The following TMEM178B variants were observed in gnomAD, a reference collection of about 807,000 sequenced individuals.
TMEM178B encodes the protein transmembrane protein 178B.
TMEM178B carries 5 observed loss-of-function variants against 31.0 expected under a neutral mutation model. That is an observed-to-expected ratio of 0.16 (90% CI 0.08 to 0.34). The LOEUF is 0.34. Among genes scored for constraint, TMEM178B ranks in the 10% least tolerant of loss-of-function variants. The pLI is 1.00. For synonymous variants in TMEM178B, 164 were observed against 164.0 expected (o/e 1.00, Z 0.00); for missense variants, 275 against 400.3 (o/e 0.69, Z 2.67).
At chr7:141,150,209 G>T (rs1381277986) in intron 1 of TMEM178B, among the ~76,000 whole-genome samples, 1 of 152,168 alleles carries the variant, frequency 6.6e-6, no homozygotes, top group Non-Finnish European at 1.5e-5. Flanking sequence ...AATAATGACA[G>T]TAAATGAAGT....
At chr7:141,226,396 T>C (rs1797342369) in intron 2 of TMEM178B, among the ~76,000 whole-genome samples, 1 of 152,118 alleles carries the variant, frequency 6.6e-6, no homozygotes, top group Admixed American at 6.5e-5. Context: ...CACCACCCTC[T>C]CTCATCTCAC....
intron 3 of TMEM178B, among the ~76,000 whole-genome samples, chr7:141,450,583 C>G (rs918027979): frequency 4.6e-5 from 7 of 152,044 alleles, no homozygotes; most frequent in Admixed American, 2.0e-4. Flanking sequence ...TGTGGTCACC[C>G]AAAAAGGGGG....
At chr7:141,320,252 AC>A (rs1415493295) in intron 2 of TMEM178B, among the ~76,000 whole-genome samples, 67 of 152,220 alleles carry the variant, frequency 4.4e-4, no homozygotes, top group African/African-American at 1.5e-3. Context: ...TTTGTAAATT[AC>A]CCAGTTTCAA....
At chr7:141,177,884 C>G (rs1586811270) in intron 1 of TMEM178B, among the ~76,000 whole-genome samples, 1 of 152,112 alleles carries the variant, frequency 6.6e-6, no homozygotes, top group African/African-American at 2.4e-5. Context: ...ATAGGTCTTG[C>G]CTCTTTATCC....
Position 141,437,601 on chromosome 7 carries a change from C to T in TMEM178B, c.497-7C>T. The T allele has an allele frequency of 2.6e-6, 4 of 1,535,978 alleles. No homozygotes were observed. The highest frequency in any genetic ancestry group is 3.5e-6 in the Non-Finnish European group (4 of 1,146,884). On this transcript the variant is annotated splice_region_variant and splice_polypyrimidine_tract_variant and intron_variant, in intron 2 of 3. Transcript: ENST00000565468. ...CTGCTGACTGTTGCTCGCCTGCTTC[C>T]CCACAGACCTGCGCAGAATGACGGC... is the stretch of plus-strand genomic sequence containing the variant.
At chr7:141,324,432 T>TTG (rs1799153933) in intron 2 of TMEM178B, among the ~76,000 whole-genome samples, 6 of 121,220 alleles carry the variant, frequency 4.9e-5, no homozygotes, top group Non-Finnish European at 9.2e-5. Flanking sequence ...TTTTTTTTTT[T>TTG]TTTTTTTTTT....
At chr7:141,509,876 T>C in the TMEM178B span, among the ~76,000 whole-genome samples, 1 of 152,176 alleles carries the variant, frequency 6.6e-6, no homozygotes, top group Admixed American at 6.5e-5. Context: ...CGCATGTCCT[T>C]TGGGAACCAC....
chr7:141,226,215 C>T (rs1797339151), intron 2 of TMEM178B, among the ~76,000 whole-genome samples: 1 of 151,730 alleles, frequency 6.6e-6, no homozygotes, highest in Non-Finnish European at 1.5e-5. Flanking sequence ...ATGGGAACAC[C>T]CTCTTGGGGG....
At chr7:141,444,943 C>G (rs991739650) in intron 3 of TMEM178B, among the ~76,000 whole-genome samples, 1 of 152,166 alleles carries the variant, frequency 6.6e-6, no homozygotes, top group East Asian at 1.9e-4. Context: ...GTCTCCCTCT[C>G]TCCCTTCCCT....
intron 2 of TMEM178B, among the ~76,000 whole-genome samples, chr7:141,432,049 A>G (rs75163906): frequency 0.085 from 12,905 of 151,972 alleles, 813 homozygotes; most frequent in East Asian, 0.15. Context: ...TATGGGATAG[A>G]ATAACCTTTC....
intron 1 of TMEM178B, among the ~76,000 whole-genome samples, chr7:141,150,159 G>A (rs1467727396): frequency 6.6e-6 from 1 of 152,042 alleles, no homozygotes; most frequent in African/African-American, 2.4e-5. Context: ...CTGAGCCAGA[G>A]GTATAAATTT....
chr7:141,389,914 T>A (rs1421920018), intron 2 of TMEM178B, among the ~76,000 whole-genome samples: 1 of 152,060 alleles, frequency 6.6e-6, no homozygotes, highest in Admixed American at 6.5e-5. Flanking sequence ...AAGGAGAATC[T>A]TTTTCTTTTT....
At chr7:141,420,920 G>A (rs988457504) in intron 2 of TMEM178B, among the ~76,000 whole-genome samples, 1 of 152,126 alleles carries the variant, frequency 6.6e-6, no homozygotes, top group African/African-American at 2.4e-5. Flanking sequence ...GAGTCATTTG[G>A]TCTACCCCCT....
intron 2 of TMEM178B, 39 bp downstream of exon 2, chr7:141,212,743 T>C (rs1221814622): frequency 1.4e-6 from 2 of 1,474,508 alleles, no homozygotes; most frequent in Non-Finnish European, 9.2e-7. Context: ...GACTGTGCTG[T>C]GAGGTCCCCT....
chr7:141,078,593 C>G (rs1020964296), intron 1 of TMEM178B, among the ~76,000 whole-genome samples: 1 of 152,102 alleles, frequency 6.6e-6, no homozygotes, highest in Non-Finnish European at 1.5e-5. Flanking sequence ...TAGGTTACAA[C>G]TACAGGATGA....
At chr7:141,244,898 G>T (rs776738034) in intron 2 of TMEM178B, among the ~76,000 whole-genome samples, 2 of 151,730 alleles carry the variant, frequency 1.3e-5, no homozygotes, top group Non-Finnish European at 2.9e-5. Context: ...AACATTTTGG[G>T]AGGCTGAGGT....
chr7:141,152,485 C>T (rs1403457921), intron 1 of TMEM178B, among the ~76,000 whole-genome samples: 2 of 152,190 alleles, frequency 1.3e-5, no homozygotes, highest in African/African-American at 2.4e-5. Flanking sequence ...CAGGTTTCTG[C>T]GAGTCCTGGA....
intron 3 of TMEM178B, among the ~76,000 whole-genome samples, chr7:141,469,910 T>C (rs913800336): frequency 6.6e-5 from 10 of 152,202 alleles, no homozygotes; most frequent in Admixed American, 6.5e-5. Context: ...GGGTGAGAAG[T>C]CATGAGTAGG....
At chr7:141,212,056 C>A (rs191237703) in intron 1 of TMEM178B, among the ~76,000 whole-genome samples, 164 of 152,204 alleles carry the variant, frequency 1.1e-3, no homozygotes, top group African/African-American at 3.8e-3. Flanking sequence ...GTTCAAGAAA[C>A]CTGAAAAGAG....
Sources: gnomAD v4.1 joint callset for allele counts (sites outside exome capture counted in the v4.1 genomes callset) on GRCh38, gnomAD v4.1.1 for gene constraint, MANE v1.5 for transcripts, NCBI Gene and HGNC (gene_info 2026-07-23, HGNC 2026-07-21) for gene names.